The following DNAH6 variants were observed in gnomAD, a reference collection of about 807,000 sequenced individuals.
The protein encoded by DNAH6 is dynein axonemal heavy chain 6.
DNAH6 carries 340 observed loss-of-function variants against 491.4 expected under a neutral mutation model. The ratio of observed to expected loss-of-function variants is 0.69; its 90% confidence interval spans 0.63 to 0.76. The LOEUF (loss-of-function observed/expected upper bound fraction) is 0.76. Among genes scored for constraint, DNAH6 ranks in the 30% least tolerant of loss-of-function variants. DNAH6 has a pLI of 0.00. For missense variants in DNAH6, 4,443 were observed against 4,972.2 expected (o/e 0.89, Z 3.20); for synonymous variants, 1,603 against 1,686.1 (o/e 0.95, Z 1.21).
chr2:84,513,586 T>A (rs898773171), upstream of DNAH6, among the ~76,000 whole-genome samples: 3 of 152,208 alleles, frequency 2.0e-5, no homozygotes, highest in African/African-American at 7.2e-5. Flanking sequence ...AGTTCTAATA[T>A]ATAATGTGTT....
At chr2:84,620,007 A>G in intron 24 of DNAH6, 103 bp downstream of exon 24, 6 of 998,602 alleles carry the variant, frequency 6.0e-6, no homozygotes, top group Non-Finnish European at 8.7e-6. Flanking sequence ...CAGCAGTTTC[A>G]AGGATAACCA....
At chr2:84,582,191 G>C (rs2104020787) in intron 14 of DNAH6, among the ~76,000 whole-genome samples, 1 of 152,274 alleles carries the variant, frequency 6.6e-6, no homozygotes, top group African/African-American at 2.4e-5. Context: ...TTTATTCTAA[G>C]TTTGCAGGAA....
intron 22 of DNAH6, among the ~76,000 whole-genome samples, chr2:84,614,944 C>A (rs1005083679): frequency 3.3e-5 from 5 of 151,992 alleles, no homozygotes; most frequent in African/African-American, 1.2e-4. Flanking sequence ...TGTACAGATT[C>A]TGAAGATTTT....
the DNAH6 span, among the ~76,000 whole-genome samples, chr2:84,484,770 C>T: frequency 6.6e-6 from 1 of 152,152 alleles, no homozygotes; most frequent in African/African-American, 2.4e-5. Context: ...ATCAGCAAGT[C>T]CCTTTCACCA....
At chr2:84,724,809 A>C (rs1332531709) in intron 60 of DNAH6, among the ~76,000 whole-genome samples, 1 of 152,200 alleles carries the variant, frequency 6.6e-6, no homozygotes, top group African/African-American at 2.4e-5. Flanking sequence ...AGAAACCAAG[A>C]TGGAAGCTCC....
At chr2:84,802,154 G>A (rs571584349) in intron 70 of DNAH6, among the ~76,000 whole-genome samples, 1 of 151,950 alleles carries the variant, frequency 6.6e-6, no homozygotes, top group African/African-American at 2.4e-5. Context: ...TACACAATCG[G>A]GACTACAAAG....
the DNAH6 span, among the ~76,000 whole-genome samples, chr2:84,477,814 A>G: frequency 6.6e-6 from 1 of 152,246 alleles, no homozygotes; most frequent in Non-Finnish European, 1.5e-5. Flanking sequence ...ATTACAAAGT[A>G]TCTTACCTCT....
At chr2:84,555,090 A>T (rs1438129203) in intron 10 of DNAH6, among the ~76,000 whole-genome samples, 1 of 152,228 alleles carries the variant, frequency 6.6e-6, no homozygotes, top group Non-Finnish European at 1.5e-5. Flanking sequence ...ACTATCATTC[A>T]TAAATTTTCT....
At chr2:84,475,903 C>G in the DNAH6 span, among the ~76,000 whole-genome samples, 1 of 152,116 alleles carries the variant, frequency 6.6e-6, no homozygotes, top group Non-Finnish European at 1.5e-5. Flanking sequence ...GCACACAGAG[C>G]ACAGCTGAAC....
intron 63 of DNAH6, among the ~76,000 whole-genome samples, chr2:84,750,328 A>G (rs1287502088): frequency 2.6e-5 from 4 of 151,772 alleles, no homozygotes; most frequent in East Asian, 1.9e-4. Context: ...GACCACAGAC[A>G]TGTACCACCA....
intron 55 of DNAH6, 110 bp from the exon 56 acceptor site, chr2:84,710,177 A>G: frequency 7.1e-7 from 1 of 1,401,594 alleles, no homozygotes; most frequent in Non-Finnish European, 9.5e-7. Context: ...ATATATTTCA[A>G]ATTTGTTTCT....
chr2:84,684,301 A>T (rs1322096807), intron 42 of DNAH6, among the ~76,000 whole-genome samples: 1 of 152,094 alleles, frequency 6.6e-6, no homozygotes, highest in African/African-American at 2.4e-5. Flanking sequence ...TTTATTTTTT[A>T]TCCTTCCCCA....
intron 22 of DNAH6, among the ~76,000 whole-genome samples, chr2:84,615,776 A>ATTT (rs150561196): frequency 6.7e-6 from 1 of 148,734 alleles, no homozygotes; most frequent in African/African-American, 2.5e-5. Flanking sequence ...ATTTCTAAGT[A>ATTT]TTTTTTTTTT....
At chr2:84,588,252 G>C (rs981243961) in intron 15 of DNAH6, among the ~76,000 whole-genome samples, 5 of 152,160 alleles carry the variant, frequency 3.3e-5, no homozygotes, top group Non-Finnish European at 2.9e-5. Context: ...GCCTCCCTGA[G>C]CTATGGCTAT....
At chr2:84,568,130 T>C (rs1681403202) in intron 11 of DNAH6, among the ~76,000 whole-genome samples, 1 of 151,950 alleles carries the variant, frequency 6.6e-6, no homozygotes, top group Non-Finnish European at 1.5e-5. Flanking sequence ...ACACTGTTGG[T>C]GAAATTAGTT....
At chr2:84,760,636 A>C (rs183971310) in intron 63 of DNAH6, among the ~76,000 whole-genome samples, 102 of 152,352 alleles carry the variant, frequency 6.7e-4, no homozygotes, top group Middle Eastern at 3.4e-3. Context: ...AATAGCTATT[A>C]CTAAAAAGTA....
At chr2:84,798,484 C>T (rs1407651100) in intron 70 of DNAH6, among the ~76,000 whole-genome samples, 2 of 152,156 alleles carry the variant, frequency 1.3e-5, no homozygotes, top group Non-Finnish European at 2.9e-5. Flanking sequence ...CTTTGCTGTG[C>T]TGTGCAGCTG....
At chr2:84,631,110 C>T (rs1055510251) in intron 29 of DNAH6, among the ~76,000 whole-genome samples, 2 of 152,118 alleles carry the variant, frequency 1.3e-5, no homozygotes, top group Non-Finnish European at 2.9e-5. Flanking sequence ...CGCTGAGAGC[C>T]GACCTGACTC....
At chr2:84,579,723 G>T (rs569168327) in intron 14 of DNAH6, 44 bp downstream of exon 14, 6 of 1,484,726 alleles carry the variant, frequency 4.0e-6, no homozygotes, top group Admixed American at 2.3e-5. Context: ...AGATCTTATA[G>T]TAGGAAGGAA....
Sources: allele counts gnomAD v4.1 joint callset (sites outside exome capture counted in the v4.1 genomes callset), GRCh38; gene constraint gnomAD v4.1.1; transcripts MANE v1.5; gene names NCBI Gene and HGNC (gene_info 2026-07-23, HGNC 2026-07-21).